Variants in CIMAP1B observed in about 807,000 individuals in gnomAD.
CIMAP1B encodes the protein ciliary microtubule associated protein 1B, also known as orf2 5' to PD-ECGF/TP.
the CIMAP1B span, chr22:50,531,073 G>A: frequency 6.2e-7 from 1 of 1,604,926 alleles, no homozygotes; most frequent in Non-Finnish European, 8.5e-7. Flanking sequence ...GGAGGAGGCA[G>A]GGCTCGGGGG....
the CIMAP1B span, chr22:50,530,892 C>T: frequency 6.2e-7 from 1 of 1,608,180 alleles, no homozygotes; most frequent in Admixed American, 1.7e-5. Context: ...GCCTCCACTG[C>T]CGCGGACCAG....
At chr22:50,530,902 G>C in the CIMAP1B span, 1 of 1,608,924 alleles carries the variant, frequency 6.2e-7, no homozygotes, top group Non-Finnish European at 8.5e-7. Context: ...CCGCGGACCA[G>C]GGACCCCCTG....
chr22:50,531,117 C>A, the CIMAP1B span: 8 of 1,589,028 alleles, frequency 5.0e-6, no homozygotes, highest in Non-Finnish European at 6.9e-6. Context: ...CAGGGTGGTC[C>A]CAGCTCCCGG....
chr22:50,530,627 C>T, the CIMAP1B span: 5 of 1,568,504 alleles, frequency 3.2e-6, no homozygotes, highest in Non-Finnish European at 2.6e-6. Context: ...ACCCCTGGAC[C>T]CCCGGGGACT....
the CIMAP1B span, chr22:50,531,405 C>A: frequency 9.0e-7 from 1 of 1,111,294 alleles, no homozygotes; most frequent in South Asian, 1.5e-5. Context: ...TTTATCAAAG[C>A]CCCGTGGGGT....
the CIMAP1B span, chr22:50,531,362 G>A: frequency 1.5e-6 from 2 of 1,332,224 alleles, no homozygotes; most frequent in South Asian, 2.6e-5. Context: ...CCCGAGATGG[G>A]GTCCTGGGAC....
chr22:50,530,817 T>G, the CIMAP1B span: 1 of 1,604,844 alleles, frequency 6.2e-7, no homozygotes, highest in Non-Finnish European at 8.5e-7. Flanking sequence ...TGTAGACCCC[T>G]GGACTCACGA....
chr22:50,530,869 G>A, the CIMAP1B span: 1 of 1,606,064 alleles, frequency 6.2e-7, no homozygotes, highest in Non-Finnish European at 8.5e-7. Flanking sequence ...GAGGGCAGAG[G>A]GTGCTGGCTG....
At chr22:50,531,296 C>G in the CIMAP1B span, 2 of 1,606,478 alleles carry the variant, frequency 1.2e-6, no homozygotes, top group Non-Finnish European at 8.5e-7. Flanking sequence ...AAGTACCTGC[C>G]TGCGGGGCGG....
chr22:50,531,054 G>A, the CIMAP1B span: 1 of 1,609,314 alleles, frequency 6.2e-7, no homozygotes, highest in Non-Finnish European at 8.5e-7. Context: ...TATAGGCCGC[G>A]GGACCTGGGG....
the CIMAP1B span, chr22:50,532,191 C>G: frequency 2.4e-6 from 3 of 1,264,992 alleles, no homozygotes; most frequent in Non-Finnish European, 2.0e-6. Flanking sequence ...CTGGGATCAG[C>G]GCGGGGCGGG....
At chr22:50,531,077 TC>T in the CIMAP1B span, 1 of 1,602,762 alleles carries the variant, frequency 6.2e-7, no homozygotes, top group Admixed American at 1.7e-5. Flanking sequence ...GAGGCAGGGC[TC>T]GGGGGTAGTG....
chr22:50,531,793 CGTCTGGCCGG>C, the CIMAP1B span: 1 of 1,352,890 alleles, frequency 7.4e-7, no homozygotes, highest in Non-Finnish European at 9.5e-7. Context: ...TCCGAGTTAG[CGTCTGGCCGG>C]GCCCAGCCCC....
chr22:50,532,035 G>A, the CIMAP1B span: 3 of 1,342,368 alleles, frequency 2.2e-6, no homozygotes, highest in Non-Finnish European at 1.9e-6. Context: ...GGGCCGCGGG[G>A]CCGGTGTGGC....
chr22:50,530,648 C>T, the CIMAP1B span: 1 of 1,587,786 alleles, frequency 6.3e-7, no homozygotes, highest in Non-Finnish European at 8.6e-7. Context: ...CTGATCCCAT[C>T]ACTCCGACCT....
At chr22:50,531,755 G>C in the CIMAP1B span, 1 of 1,371,808 alleles carries the variant, frequency 7.3e-7, no homozygotes, top group Non-Finnish European at 9.4e-7. Flanking sequence ...CGGCCGCGAC[G>C]GGTCATGCAG....
chr22:50,531,794 G>C, the CIMAP1B span: 1 of 1,353,108 alleles, frequency 7.4e-7, no homozygotes, highest in Non-Finnish European at 9.5e-7. Flanking sequence ...CCGAGTTAGC[G>C]TCTGGCCGGG....
At chr22:50,531,787 A>C in the CIMAP1B span, 1 of 1,354,494 alleles carries the variant, frequency 7.4e-7, no homozygotes, top group Non-Finnish European at 9.5e-7. Context: ...GGAGCATCCG[A>C]GTTAGCGTCT....
chr22:50,531,672 G>T, the CIMAP1B span: 1 of 1,372,144 alleles, frequency 7.3e-7, no homozygotes. Flanking sequence ...GCGGGCACCA[G>T]GTGGCCTGGC....
Sources: gnomAD v4.1 joint callset for allele counts on GRCh38, gnomAD v4.1.1 for gene constraint, MANE v1.5 for transcripts, NCBI Gene and HGNC (gene_info 2026-07-23, HGNC 2026-07-21) for gene names.